The following COL26A1 variants were observed in gnomAD, a reference collection of about 807,000 sequenced individuals.
COL26A1 encodes the protein collagen type XXVI alpha 1 chain.
Under a neutral mutation model 59.3 loss-of-function variants are expected in COL26A1, and 41 were observed. That is an observed-to-expected ratio of 0.69 (90% confidence interval 0.54 to 0.90). The LOEUF (loss-of-function observed/expected upper bound fraction) is 0.90. Among genes scored for constraint, COL26A1 ranks in the 40% least tolerant of loss-of-function variants. COL26A1 has a pLI of 0.00. For synonymous variants in COL26A1, 266 were observed against 256.0 expected, an observed-to-expected ratio of 1.04 and a Z score of -0.37; for missense variants, 612 against 602.3, an observed-to-expected ratio of 1.02 and a Z score of -0.17.
intron 3 of COL26A1, among the ~76,000 whole-genome samples, chr7:101,467,853 C>T (rs1338465840): frequency 6.6e-6 from 1 of 151,910 alleles, no homozygotes; most frequent in Admixed American, 6.6e-5. Context: ...GGTGACAGAG[C>T]GAGACTCCGT....
intron 4 of COL26A1, among the ~76,000 whole-genome samples, chr7:101,537,960 C>T (rs371370754): frequency 6.6e-6 from 1 of 152,042 alleles, no homozygotes; most frequent in African/African-American, 2.4e-5. Context: ...CACTCCCAAG[C>T]CTGCCCCTCT....
At chr7:101,526,882 C>G (rs528037136) in intron 3 of COL26A1, among the ~76,000 whole-genome samples, 1 of 152,198 alleles carries the variant, frequency 6.6e-6, no homozygotes, top group East Asian at 1.9e-4. Flanking sequence ...GAGGGCGTCT[C>G]AAGCCACACG....
chr7:101,431,140 C>G (rs1293418235), intron 2 of COL26A1, among the ~76,000 whole-genome samples: 1 of 152,084 alleles, frequency 6.6e-6, no homozygotes, highest in Non-Finnish European at 1.5e-5. Context: ...TGTGTACTGG[C>G]TAGACTTGTA....
At chr7:101,408,831 C>G (rs1235506001) in intron 1 of COL26A1, among the ~76,000 whole-genome samples, 2 of 152,166 alleles carry the variant, frequency 1.3e-5, no homozygotes, top group Non-Finnish European at 2.9e-5. Flanking sequence ...AAGACCCAGG[C>G]CCCTGTCTCT....
At chr7:101,544,543 T>G (rs1344860603) in intron 6 of COL26A1, among the ~76,000 whole-genome samples, 1 of 147,104 alleles carries the variant, frequency 6.8e-6, no homozygotes, top group Non-Finnish European at 1.5e-5. Flanking sequence ...TTTTTTTTTT[T>G]TTTTTGAGAT....
At chr7:101,417,238 A>G (rs192312055) in intron 1 of COL26A1, among the ~76,000 whole-genome samples, 1 of 152,000 alleles carries the variant, frequency 6.6e-6, no homozygotes, top group Non-Finnish European at 1.5e-5. Flanking sequence ...GGGGTTTTCC[A>G]TTAGCTTGTT....
At chr7:101,372,268 C>T (rs562613534) in intron 1 of COL26A1, among the ~76,000 whole-genome samples, 27 of 152,040 alleles carry the variant, frequency 1.8e-4, no homozygotes, top group African/African-American at 5.8e-4. Flanking sequence ...AGGGTTCAAG[C>T]GATTGTCCTG....
intron 3 of COL26A1, among the ~76,000 whole-genome samples, chr7:101,515,749 C>A (rs932369299): frequency 2.3e-4 from 35 of 151,968 alleles, no homozygotes; most frequent in African/African-American, 8.5e-4. Flanking sequence ...CCACCACAAC[C>A]AGGTAATTTT....
chr7:101,516,000 C>T (rs11763096), intron 3 of COL26A1, among the ~76,000 whole-genome samples: 28,617 of 152,130 alleles, frequency 0.19, 3,144 homozygotes, highest in African/African-American at 0.3. Context: ...TGTAACGCAT[C>T]GTGCCCCCTG....
chr7:101,403,040 C>T (rs988693559), intron 1 of COL26A1, among the ~76,000 whole-genome samples: 6 of 151,956 alleles, frequency 3.9e-5, no homozygotes, highest in Middle Eastern at 3.4e-3. Flanking sequence ...GATGGGGTCT[C>T]GCTGTATTGC....
chr7:101,442,260 G>A (rs1793076706), intron 2 of COL26A1, among the ~76,000 whole-genome samples: 1 of 151,966 alleles, frequency 6.6e-6, no homozygotes, highest in African/African-American at 2.4e-5. Context: ...TCCAAGCTGG[G>A]CCTGCTTTCG....
intron 2 of COL26A1, among the ~76,000 whole-genome samples, chr7:101,431,966 A>AT (rs35468529): frequency 0.7 from 92,949 of 133,614 alleles, 32,464 homozygotes; most frequent in African/African-American, 0.79. Flanking sequence ...TAATTTTATA[A>AT]TTTTTTTTTT....
chr7:101,365,513 G>A (rs1434240654), intron 1 of COL26A1, among the ~76,000 whole-genome samples: 1 of 151,986 alleles, frequency 6.6e-6, no homozygotes, highest in Non-Finnish European at 1.5e-5. Context: ...TGCAACCTCT[G>A]CCTCCCAAGT....
intron 3 of COL26A1, among the ~76,000 whole-genome samples, chr7:101,465,215 T>G (rs112481604): frequency 0.047 from 7,103 of 151,762 alleles, 277 homozygotes; most frequent in African/African-American, 0.11. Context: ...AAGTTTTAAA[T>G]TTTTCACAGA....
chr7:101,411,286 GAC>G (rs1192448986), intron 1 of COL26A1, among the ~76,000 whole-genome samples: 1 of 152,226 alleles, frequency 6.6e-6, no homozygotes, highest in Non-Finnish European at 1.5e-5. Context: ...CGAAGGCTAA[GAC>G]AGAGGCATAC....
At chr7:101,524,615 GTTAT>G (rs544731044) in intron 3 of COL26A1, among the ~76,000 whole-genome samples, 8 of 152,170 alleles carry the variant, frequency 5.3e-5, no homozygotes, top group Non-Finnish European at 1.0e-4. Context: ...CATTTATTTA[GTTAT>G]TTAATTTCTC....
intron 2 of COL26A1, among the ~76,000 whole-genome samples, chr7:101,433,907 A>AC (rs770992048): frequency 4.3e-4 from 65 of 152,126 alleles, no homozygotes; most frequent in Non-Finnish European, 8.4e-4. Flanking sequence ...TACTACATGG[A>AC]CCAGCACATT....
chr7:101,515,166 C>T (rs1184618112), intron 3 of COL26A1, among the ~76,000 whole-genome samples: 5 of 152,234 alleles, frequency 3.3e-5, no homozygotes, highest in Admixed American at 2.6e-4. Flanking sequence ...TTAGTAGCCT[C>T]ACTCTGTGCC....
At chr7:101,489,913 T>G (rs551223354) in intron 3 of COL26A1, among the ~76,000 whole-genome samples, 5 of 102,504 alleles carry the variant, frequency 4.9e-5, no homozygotes, top group Middle Eastern at 4.3e-3. Flanking sequence ...TTTCTTTCTT[T>G]CTTTCTTGTC....
Sources: allele counts gnomAD v4.1 joint callset (sites outside exome capture counted in the v4.1 genomes callset), GRCh38; gene constraint gnomAD v4.1.1; transcripts MANE v1.5; gene names NCBI Gene and HGNC (gene_info 2026-07-23, HGNC 2026-07-21).